The following AXL variants were observed in gnomAD, a reference collection of about 807,000 sequenced individuals.
AXL encodes tyrosine-protein kinase receptor UFO.
Under a neutral mutation model 104.5 loss-of-function variants are expected in AXL, and 52 were observed. The ratio of observed to expected loss-of-function variants is 0.50; its 90% CI spans 0.40 to 0.63. The LOEUF (loss-of-function observed/expected upper bound fraction) is 0.63, where lower values mean the gene tolerates loss of function less well. AXL is among the 20% of genes least tolerant of loss of function. The pLI is 0.00. For synonymous variants in AXL, 455 were observed against 473.7 expected, an observed-to-expected ratio of 0.96 and a Z score of 0.51; for missense variants, 1,024 against 1,188.5, an observed-to-expected ratio of 0.86 and a Z score of 2.04.
chr19:41,237,905 G>A lies in AXL; in HGVS notation c.784-39G>A, dbSNP rs745732524. On this transcript the variant is annotated intron_variant, in intron 6 of 19. Transcript: ENST00000301178. ...AGCTGTGTGACCATCTCGTGTGATT[G>A]CTTGGCTGTCCCGTCCTCACACCCT... The A allele has an allele frequency of 1.9e-6, 3 of 1,580,374 alleles. No homozygotes were observed. The South Asian group carries it at 3.3e-5, about 17-fold the overall frequency.
intron 5 of AXL, 58 bp downstream of exon 5, chr19:41,231,105 T>C (rs1209421294): frequency 1.2e-6 from 2 of 1,611,142 alleles, no homozygotes. Context: ...GGGTCCGGGG[T>C]CAGAGTGGGG....
chr19:41,230,740 G>A (rs1025072405), intron 4 of AXL, among the ~76,000 whole-genome samples: 1 of 152,066 alleles, frequency 6.6e-6, no homozygotes, highest in African/African-American at 2.4e-5. Flanking sequence ...ATGTGTGTCT[G>A]TGTGGCGGGA....
chr19:41,226,175 TGGGGAGGTGCCCC>T (rs2033876764), intron 4 of AXL, among the ~76,000 whole-genome samples: 1 of 151,230 alleles, frequency 6.6e-6, no homozygotes, highest in Admixed American at 6.6e-5. Context: ...AGCGCTGGGG[TGGGGAGGTGCCCC>T]CGGTGACTCA....
In AXL at chr19:41,238,001, G is replaced by A; in HGVS notation, c.841G>A (p.Glu281Lys). Residue 281 changes from glutamate to lysine, a missense_variant, in exon 7 of 20, where the codon GAG (glutamate) becomes AAG (lysine). Transcript: ENST00000301178. ...GGCGGGAGAACCAGACCCCCCAGAG[G>A]AGCCCCTCACCTCGCAAGCATCCGT... ...IQAGEPDPPE[E>K]PLTSQASVPP... 6.2e-7 allele frequency: 1 copy of A among 1,613,790 alleles called. No homozygotes were observed. Among genetic ancestry groups the A allele is most frequent in the Admixed American group, 1.7e-5 (1 of 59,962 alleles).
intron 19 of AXL, among the ~76,000 whole-genome samples, chr19:41,259,129 A>C (rs981428291): frequency 6.6e-6 from 1 of 152,184 alleles, no homozygotes; most frequent in African/African-American, 2.4e-5. Context: ...ATCAGAAGCA[A>C]GTCACTAAGT....
rs776682499 is a variant in AXL, at chr19:41,231,030, G to T, written c.650G>T (p.Arg217Leu). The T allele has an allele frequency of 2.5e-6, 4 of 1,613,734 alleles. No individual in the cohort carries two copies. The highest frequency in any genetic ancestry group is 1.3e-5 in the African/African-American group (1 of 74,864). ...AACGCCAAGGGGGTCACCACATCCCGCACAGCCACCATCACAGGTGACAGA... is the reference window on the plus strand; with the variant it reads ...AACGCCAAGGGGGTCACCACATCCCTCACAGCCACCATCACAGGTGACAGA... ...AHNAKGVTTS[R>L]TATITVLPQQ... The change falls in exon 5 of 20, where the codon CGC (arginine) becomes CTC (leucine). Residue 217 changes from arginine (R) to leucine (L), a missense_variant. This residue lies in a region of AXL where 332 missense variants were observed against 343.9 expected (regional missense o/e 0.97). Coordinates refer to ENST00000301178, the MANE Select transcript of AXL (RefSeq NM_021913.5).
rs1233762087 is a variant in AXL, at chr19:41,222,071, G to A, written c.586+15G>A. 6.5e-7 allele frequency: 1 copy of A among 1,529,796 alleles called. No homozygotes were observed. Among genetic ancestry groups the A allele is most frequent in the Non-Finnish European group, 8.8e-7 (1 of 1,142,548 alleles). The allele number at this position is 1,529,796 out of a possible 1,614,324, so 94.8% of individuals were successfully genotyped here. A position where few individuals can be genotyped will look rare whatever the true frequency, so the allele number is the denominator to read the frequency against. ...GCATGTTCCAGGTGAGTCCGGGGAT[G>A]TGGGTCAGCTCCGAATAGGGGGCCG... On this transcript the variant is annotated intron_variant, in intron 4 of 19. Transcript: ENST00000301178.
chr19:41,239,462 G>A, intron 9 of AXL, 148 bp downstream of exon 9: 1 of 1,251,518 alleles, frequency 8.0e-7, no homozygotes, highest in Non-Finnish European at 1.1e-6. Flanking sequence ...CCTTACCCAT[G>A]CCAACCCCTC....
rs747812498 is a variant in AXL, at chr19:41,238,153, A to T, written c.993A>T (p.Gly331=). ...GGCTTCCTGTGGAGACGCCGGAGGG[A>T]GGTAAGAAGGGTTGGGGAGGGACAC... is the stretch of plus-strand genomic sequence containing the variant. ...THWLPVETPE[G]VPLGPPENIS... Residue 331 remains glycine (G), a splice_region_variant and synonymous_variant, in exon 7 of 20, where the codon GGA becomes GGT. Transcript: ENST00000301178. 3.1e-6 allele frequency: 5 copies of T among 1,613,726 alleles called. No individual in the cohort carries two copies. Among genetic ancestry groups the T allele is most frequent in the Non-Finnish European group, 3.4e-6 (4 of 1,179,902 alleles).
chr19:41,235,122 C>T (rs904604310), intron 6 of AXL, among the ~76,000 whole-genome samples: 6 of 152,020 alleles, frequency 3.9e-5, no homozygotes, highest in African/African-American at 7.3e-5. Context: ...GGAGGCTGAG[C>T]GGGCAGATCA....
chr19:41,234,644 G>A (rs941292605), intron 6 of AXL, among the ~76,000 whole-genome samples: 11 of 152,184 alleles, frequency 7.2e-5, no homozygotes, highest in African/African-American at 2.7e-4. Context: ...CTTATACCCT[G>A]ACAAGTAAGA....
Position 41,220,728 on chromosome 19 carries a change from G to T in AXL, c.178G>T (p.Val60Phe), listed in dbSNP as rs144418422. The T allele has an allele frequency of 4.0e-5, 64 of 1,613,988 alleles. No homozygotes were observed. The highest frequency in any genetic ancestry group is 1.5e-4 in the South Asian group (14 of 91,074). The change falls in exon 2 of 20, where the codon GTT becomes TTT. Residue 60 changes from valine to phenylalanine, a missense_variant. Coordinates refer to ENST00000301178, the MANE Select transcript of AXL (RefSeq NM_021913.5). ...GGGCACCCTTCGGTGTCAGCTCCAG[G>T]TTCAGGGAGAGCCCCCCGAGGTACA... The part of the protein sequence containing the change: ...LTGTLRCQLQ[V>F]QGEPPEVHWL...
rs145779711 is a variant in AXL, at chr19:41,242,944, C to G, written c.1374C>G (p.Val458=). 6.2e-7 allele frequency: 1 copy of G among 1,614,150 alleles called. No homozygotes were observed. The highest frequency in any genetic ancestry group is 8.5e-7 in the Non-Finnish European group (1 of 1,180,012). ...WPWWYVLLGA[V]VAAACVLILA... is the part of the protein sequence containing the mutation. ...GGTGGTATGTACTGCTAGGAGCAGT[C>G]GTGGCCGCTGCCTGTGTCCTCATCT... Residue 458 remains valine (V), a synonymous_variant, in exon 11 of 20, where the codon GTC becomes GTG. Coordinates refer to ENST00000301178, the MANE Select transcript of AXL (RefSeq NM_021913.5).
chr19:41,220,658 C>G lies in AXL; in HGVS notation c.108C>G (p.Pro36=). Reference sequence around the variant, plus strand: ...CAGGCACGCAGGCTGAAGAAAGTCCCTTCGTGGGCAACCCAGGGAATATCA... The same window carrying G: ...CAGGCACGCAGGCTGAAGAAAGTCCGTTCGTGGGCAACCCAGGGAATATCA... ...APRGTQAEES[P]FVGNPGNITG... The change falls in exon 2 of 20, where the codon CCC becomes CCG. Residue 36 remains proline, a synonymous_variant. Transcript: ENST00000301178. The G allele has an allele frequency of 6.3e-7, 1 of 1,593,504 alleles. No homozygotes were observed. Among genetic ancestry groups the G allele is most frequent in the Non-Finnish European group, 8.5e-7 (1 of 1,169,896 alleles).
chr19:41,224,307 G>C (rs1023919071), intron 4 of AXL, among the ~76,000 whole-genome samples: 1 of 152,080 alleles, frequency 6.6e-6, no homozygotes, highest in Non-Finnish European at 1.5e-5. Context: ...GTCCTAGTGA[G>C]AGCTTGTGTT....
intron 4 of AXL, among the ~76,000 whole-genome samples, chr19:41,223,540 C>T (rs1479373663): frequency 1.3e-5 from 2 of 152,166 alleles, no homozygotes; most frequent in Non-Finnish European, 2.9e-5. Context: ...GCCTGGAGGG[C>T]ATCAGCTTCC....
chr19:41,222,201 C>A, intron 4 of AXL, 145 bp downstream of exon 4: 1 of 900,014 alleles, frequency 1.1e-6, no homozygotes, highest in Non-Finnish European at 1.6e-6. Context: ...CCCTCTGAGT[C>A]TGTCTCTGCC....
chr19:41,243,963 C>T (rs982030245), intron 12 of AXL: 10 of 364,224 alleles, frequency 2.7e-5, no homozygotes, highest in African/African-American at 1.0e-4. Flanking sequence ...CCTAGCGCTT[C>T]GGGGGGCCGA....
At chr19:41,241,414 C>T (rs148005055) in intron 10 of AXL, among the ~76,000 whole-genome samples, 3,643 of 151,620 alleles carry the variant, frequency 0.024, 161 homozygotes, top group African/African-American at 0.083. Context: ...CCTGGTGGTG[C>T]GAGCCTGTAA....
Sources: allele counts gnomAD v4.1 joint callset (sites outside exome capture counted in the v4.1 genomes callset), GRCh38; gene constraint gnomAD v4.1.1; regional missense constraint gnomAD v4.1.1; transcripts MANE v1.5; gene names NCBI Gene and HGNC (gene_info 2026-07-23, HGNC 2026-07-21).